FGF14: variants seen among roughly 807,000 people sequenced by gnomAD.
The protein encoded by FGF14 is fibroblast growth factor 14, also known as fibroblast growth factor homologous factor 4.
Under a neutral mutation model 25.5 loss-of-function variants are expected in FGF14, and 5 were observed. The ratio of observed to expected loss-of-function variants is 0.20; its 90% confidence interval spans 0.10 to 0.41. The LOEUF is 0.41. Among genes scored for constraint, FGF14 ranks in the 10% least tolerant of loss-of-function variants. The pLI is 1.00. For synonymous variants in FGF14, 138 were observed against 118.3 expected (o/e 1.17, Z -1.08); for missense variants, 222 against 320.1 (o/e 0.69, Z 2.34).
intron 1 of FGF14, among the ~76,000 whole-genome samples, chr13:102,054,462 A>C (rs2042344982): frequency 6.6e-6 from 1 of 152,176 alleles, no homozygotes; most frequent in Admixed American, 6.5e-5. Flanking sequence ...CAATGAATGA[A>C]GCATACTTAG....
intron 3 of FGF14, among the ~76,000 whole-genome samples, chr13:101,851,089 A>G (rs1023869543): frequency 4.6e-5 from 7 of 152,106 alleles, no homozygotes; most frequent in African/African-American, 1.7e-4. Context: ...GACAGTACTC[A>G]GAGCCGTGCT....
intron 3 of FGF14, among the ~76,000 whole-genome samples, chr13:101,829,002 C>G (rs1450787443): frequency 6.6e-6 from 1 of 152,044 alleles, no homozygotes; most frequent in Non-Finnish European, 1.5e-5. Context: ...GTGGTTTCTG[C>G]CCCTCGGGGT....
chr13:101,863,007 T>C (rs1364601653), intron 3 of FGF14, among the ~76,000 whole-genome samples: 3 of 152,106 alleles, frequency 2.0e-5, no homozygotes, highest in Non-Finnish European at 2.9e-5. Flanking sequence ...GAATGCATAA[T>C]TCCAATGAAA....
chr13:101,721,169 A>AGAAAACATTGAATTTTATTAG lies in FGF14; in HGVS notation c.*1641_*1661dup, dbSNP rs2034951486. 6.6e-6 allele frequency: 1 copy of AGAAAACATTGAATTTTATTAG among 152,164 alleles called. No homozygotes were observed. 9.4% of individuals were successfully genotyped at this position (152,164 alleles called of 1,614,324 possible). On this transcript the variant is annotated 3_prime_UTR_variant, in exon 5 of 5. Coordinates refer to ENST00000376143, the MANE Select transcript of FGF14 (RefSeq NM_004115.4). ...TTGGTCTCAATGAACTCTTCTGAGA[A>AGAAAACATTGAATTTTATTAG]GAAAACATTGAATTTTATTAGGTGT...
chr13:101,711,195 A>T lies in FGF14; in HGVS notation c.*11636T>A, dbSNP rs1436015286. 6.6e-6 allele frequency: 1 copy of T among 152,224 alleles called. No homozygotes were observed. The highest frequency in any genetic ancestry group is 2.4e-5 in the African/African-American group (1 of 41,450). The allele number at this position is 152,224 out of a possible 1,614,324, so 9.4% of individuals were successfully genotyped here. On this transcript the variant is annotated 3_prime_UTR_variant, in exon 5 of 5. Coordinates refer to ENST00000376143, the MANE Select transcript of FGF14 (RefSeq NM_004115.4). ...GATTTATTTGGCTTCAAGACTACAC[A>T]ATTATATCTTTGCCTTGACTACTTC...
intron 1 of FGF14, among the ~76,000 whole-genome samples, chr13:102,137,748 G>C (rs762508114): frequency 8.5e-5 from 13 of 152,054 alleles, no homozygotes; most frequent in Non-Finnish European, 1.9e-4. Context: ...GAAATTTATA[G>C]ATCTTGTACT....
chr13:102,087,771 C>A (rs192430493), intron 1 of FGF14, among the ~76,000 whole-genome samples: 52 of 152,036 alleles, frequency 3.4e-4, no homozygotes, highest in Non-Finnish European at 5.9e-4. Context: ...AGGTGACATG[C>A]AAAAATAGTA....
chr13:102,123,458 G>A (rs564338797), intron 1 of FGF14, among the ~76,000 whole-genome samples: 2 of 152,268 alleles, frequency 1.3e-5, no homozygotes, highest in Admixed American at 6.5e-5. Flanking sequence ...GTAACAGGCA[G>A]ATTAAGTAAA....
intron 1 of FGF14, among the ~76,000 whole-genome samples, chr13:102,197,508 T>C (rs1440737513): frequency 2.0e-5 from 3 of 152,144 alleles, no homozygotes; most frequent in African/African-American, 7.2e-5. Flanking sequence ...TTGAGCTCTC[T>C]TGCATCTTTA....
intron 1 of FGF14, among the ~76,000 whole-genome samples, chr13:102,196,452 A>G (rs1312843962): frequency 6.6e-6 from 1 of 152,230 alleles, no homozygotes; most frequent in Admixed American, 6.5e-5. Flanking sequence ...AATGTTATCC[A>G]AACAGTGGGG....
intron 3 of FGF14, among the ~76,000 whole-genome samples, chr13:101,754,189 G>C (rs1479968865): frequency 1.3e-5 from 2 of 152,126 alleles, no homozygotes; most frequent in Admixed American, 1.3e-4. Context: ...AGCTGCTGGG[G>C]CTCCTAGGGG....
At chr13:102,026,231 G>A (rs11839861) in intron 1 of FGF14, among the ~76,000 whole-genome samples, 4,249 of 151,898 alleles carry the variant, frequency 0.028, 189 homozygotes, top group African/African-American at 0.098. Flanking sequence ...TATTAATATG[G>A]TATATTAAAT....
intron 1 of FGF14, among the ~76,000 whole-genome samples, chr13:102,082,693 G>A (rs1177840102): frequency 2.6e-5 from 4 of 152,126 alleles, no homozygotes; most frequent in African/African-American, 9.7e-5. Flanking sequence ...GGTGGCTCAC[G>A]CCTGTAATCC....
chr13:101,779,982 A>T (rs573003683), intron 3 of FGF14, among the ~76,000 whole-genome samples: 4 of 152,012 alleles, frequency 2.6e-5, no homozygotes, highest in Non-Finnish European at 2.9e-5. Flanking sequence ...CTGTGGTTCT[A>T]TGGTAAAGTA....
intron 1 of FGF14, among the ~76,000 whole-genome samples, chr13:102,032,293 A>T (rs750911650): frequency 5.3e-5 from 8 of 152,256 alleles, no homozygotes; most frequent in Non-Finnish European, 1.2e-4. Context: ...CCACTCTGCA[A>T]GGAGGGTCCT....
chr13:101,835,855 G>A (rs2042897719), intron 3 of FGF14, among the ~76,000 whole-genome samples: 1 of 151,982 alleles, frequency 6.6e-6, no homozygotes, highest in Non-Finnish European at 1.5e-5. Flanking sequence ...CTTAAGATAT[G>A]TTCCTGGATA....
At chr13:102,045,177 A>C (rs1423072079) in intron 1 of FGF14, among the ~76,000 whole-genome samples, 1 of 152,136 alleles carries the variant, frequency 6.6e-6, no homozygotes, top group African/African-American at 2.4e-5. Context: ...ACTTCCCATC[A>C]AGCATCTATG....
At chr13:102,374,803 G>A (rs940633139) in intron 1 of FGF14, among the ~76,000 whole-genome samples, 8 of 150,074 alleles carry the variant, frequency 5.3e-5, no homozygotes, top group African/African-American at 2.0e-4. Flanking sequence ...TTTCAATTAA[G>A]GGCTAAAGTA....
At chr13:101,937,960 T>A (rs562040442) in intron 1 of FGF14, among the ~76,000 whole-genome samples, 1 of 152,178 alleles carries the variant, frequency 6.6e-6, no homozygotes, top group Non-Finnish European at 1.5e-5. Flanking sequence ...AGAAAACTAA[T>A]ACATTATTTG....
Sources: gnomAD v4.1 joint callset for allele counts (sites outside exome capture counted in the v4.1 genomes callset) on GRCh38, gnomAD v4.1.1 for gene constraint, MANE v1.5 for transcripts, NCBI Gene and HGNC (gene_info 2026-07-23, HGNC 2026-07-21) for gene names.